Variants in CTNNA2 observed in about 807,000 individuals in gnomAD.
CTNNA2 encodes catenin alpha 2.
A neutral mutation model predicts 101.0 loss-of-function variants in CTNNA2; 42 were observed. That is an observed-to-expected ratio of 0.42 (90% CI 0.32 to 0.54). CTNNA2 has a LOEUF of 0.54. CTNNA2 is among the 20% of genes least tolerant of loss of function. CTNNA2 has a pLI of 0.14. For synonymous variants in CTNNA2, 450 were observed against 456.4 expected (o/e 0.99, Z 0.18); for missense variants, 871 against 1,223.1 (o/e 0.71, Z 4.29).
chr2:79,661,933 G>A (rs1185090398), intron 2 of CTNNA2, among the ~76,000 whole-genome samples: 1 of 151,724 alleles, frequency 6.6e-6, no homozygotes, highest in African/African-American at 2.4e-5. Context: ...TAAGGAAAAT[G>A]TGGACTGAAA....
At chr2:79,331,573 A>G (rs1377014097) in intron 3 of CTNNA2, among the ~76,000 whole-genome samples, 1 of 152,138 alleles carries the variant, frequency 6.6e-6, no homozygotes, top group African/African-American at 2.4e-5. Context: ...TCTTACACGG[A>G]CCCAGATCCT....
intron 9 of CTNNA2, among the ~76,000 whole-genome samples, chr2:80,472,670 G>A (rs929549370): frequency 6.6e-6 from 1 of 152,102 alleles, no homozygotes; most frequent in Non-Finnish European, 1.5e-5. Flanking sequence ...AGGGTTGAAT[G>A]CCCAAGAAAA....
chr2:79,499,450 G>C (rs1558682541), intron 4 of CTNNA2, among the ~76,000 whole-genome samples: 1 of 152,110 alleles, frequency 6.6e-6, no homozygotes. Context: ...GCGATCTGTT[G>C]AAAATTAAAA....
At chr2:80,535,259 G>A (rs1245498600) in intron 9 of CTNNA2, among the ~76,000 whole-genome samples, 1 of 152,044 alleles carries the variant, frequency 6.6e-6, no homozygotes. Flanking sequence ...TAGGGCATAA[G>A]TAATATTTTA....
chr2:79,477,159 CTTTTTTTTCT>C (rs1403274938), intron 4 of CTNNA2, among the ~76,000 whole-genome samples: 9,722 of 110,596 alleles, frequency 0.088, 228 homozygotes, highest in African/African-American at 0.2. Context: ...TCTTTTTTTT[CTTTTTTTTCT>C]TTTTTTTTTT....
intron 7 of CTNNA2, among the ~76,000 whole-genome samples, chr2:80,384,323 C>T (rs1456450759): frequency 6.6e-6 from 1 of 151,442 alleles, no homozygotes; most frequent in African/African-American, 2.4e-5. Flanking sequence ...TGATGTGACA[C>T]ATAATGTGTG....
At chr2:79,772,170 A>G (rs1673636560) in intron 3 of CTNNA2, among the ~76,000 whole-genome samples, 1 of 152,062 alleles carries the variant, frequency 6.6e-6, no homozygotes, top group Non-Finnish European at 1.5e-5. Context: ...ATATTTATTA[A>G]CTGCCTACAA....
At position 79,845,209 on chromosome 2, in the gene CTNNA2, A is replaced by G. The variant is rs1453067716; in HGVS notation, c.299-12804A>G. On this transcript the variant is annotated intron_variant, in intron 3 of 18. Transcript: ENST00000402739. ...TTTTTTTTTGAATTTCTAAATGTCC[A>G]CTTAGGGGGCATTTCTCTATAGTTG... 8.5e-5 allele frequency among the ~76,000 whole-genome samples: 10 copies of G among 117,196 alleles called. No individual in the cohort carries two copies. The East Asian group carries it at 2.5e-3, about 29-fold the overall frequency. 76.9% of individuals were successfully genotyped at this position (117,196 alleles called of 152,430 possible).
At chr2:80,015,190 T>C (rs913908359) in intron 7 of CTNNA2, among the ~76,000 whole-genome samples, 3 of 152,204 alleles carry the variant, frequency 2.0e-5, no homozygotes, top group African/African-American at 7.2e-5. Context: ...TTTCCTTCCC[T>C]ATGTGTTCTA....
chr2:79,463,108 A>T (rs1670896596), intron 4 of CTNNA2, among the ~76,000 whole-genome samples: 1 of 152,176 alleles, frequency 6.6e-6, no homozygotes, highest in African/African-American at 2.4e-5. Flanking sequence ...GCTAACATAA[A>T]GGTATAATAC....
At chr2:79,930,300 G>GAA (rs757917719) in intron 7 of CTNNA2, among the ~76,000 whole-genome samples, 2 of 34,458 alleles carry the variant, frequency 5.8e-5, no homozygotes, top group African/African-American at 2.5e-4. Flanking sequence ...GAAAGAGAAA[G>GAA]AAAGAAAGAA....
chr2:79,396,357 CTA>C (rs968559238), intron 4 of CTNNA2, among the ~76,000 whole-genome samples: 1 of 152,054 alleles, frequency 6.6e-6, no homozygotes, highest in African/African-American at 2.4e-5. Flanking sequence ...CGGGATTTCA[CTA>C]TGTTGGCCAA....
At chr2:79,876,796 G>A (rs572682314) in intron 6 of CTNNA2, among the ~76,000 whole-genome samples, 1 of 152,100 alleles carries the variant, frequency 6.6e-6, no homozygotes, top group Non-Finnish European at 1.5e-5. Flanking sequence ...TATTAGCAAA[G>A]TATGTCAACA....
At position 79,229,722 on chromosome 2, in the gene CTNNA2, T is replaced by C. The variant is rs371326043; in HGVS notation, c.-406+31646T>C. Among the ~76,000 whole-genome samples, 11 of 152,090 alleles carry C rather than the reference T, an allele frequency of 7.2e-5. No individual in the cohort carries two copies. In the South Asian group the frequency reaches 1.2e-3, roughly 17 times the overall value. On this transcript the variant is annotated intron_variant, in intron 2 of 21. Coordinates refer to the CTNNA2 transcript ENST00000466387. ...GAGGGCTCAGAGGAAGAAAGAAAAATATGGGAAAGTTTGGAATTTCCTAGA... is the reference window on the plus strand; with the variant it reads ...GAGGGCTCAGAGGAAGAAAGAAAAACATGGGAAAGTTTGGAATTTCCTAGA...
intron 7 of CTNNA2, among the ~76,000 whole-genome samples, chr2:80,278,200 C>T (rs559341155): frequency 2.6e-4 from 39 of 152,148 alleles, no homozygotes; most frequent in East Asian, 1.2e-3. Flanking sequence ...CTTAAGACAG[C>T]GCCCCAAATA....
chr2:79,460,391 CA>C (rs1670866198), intron 4 of CTNNA2, among the ~76,000 whole-genome samples: 1 of 152,130 alleles, frequency 6.6e-6, no homozygotes, highest in African/African-American at 2.4e-5. Context: ...CTTTTGGTTC[CA>C]ACATCAATTT....
At chr2:79,493,540 C>T (rs1278335618) in intron 4 of CTNNA2, among the ~76,000 whole-genome samples, 3 of 152,028 alleles carry the variant, frequency 2.0e-5, no homozygotes, top group South Asian at 2.1e-4. Flanking sequence ...CGCTTGAACC[C>T]GGGAGGCGGA....
chr2:80,096,219 G>A (rs376278338), intron 7 of CTNNA2, among the ~76,000 whole-genome samples: 9 of 152,066 alleles, frequency 5.9e-5, no homozygotes, highest in Admixed American at 5.9e-4. Context: ...GTTCTCATTG[G>A]TTTCAAAGAA....
chr2:80,638,060 A>G (rs901619779), intron 18 of CTNNA2, among the ~76,000 whole-genome samples: 1 of 152,154 alleles, frequency 6.6e-6, no homozygotes, highest in African/African-American at 2.4e-5. Flanking sequence ...TGTTCCTCTT[A>G]CATTTGTCTT....
Sources: gnomAD v4.1 joint callset for allele counts (sites outside exome capture counted in the v4.1 genomes callset) on GRCh38, gnomAD v4.1.1 for gene constraint, MANE v1.5 for transcripts, NCBI Gene and HGNC (gene_info 2026-07-23, HGNC 2026-07-21) for gene names.